Variants in LOC128462377 observed in about 807,000 individuals in gnomAD.
chr16:89,406,258 C>T, the LOC128462377 span, among the ~76,000 whole-genome samples: 1 of 152,148 alleles, frequency 6.6e-6, no homozygotes, highest in Non-Finnish European at 1.5e-5. Context: ...GGCACCCACA[C>T]GTGCTGGTCT....
At chr16:89,356,287 G>C in the LOC128462377 span, among the ~76,000 whole-genome samples, 41 of 151,846 alleles carry the variant, frequency 2.7e-4, no homozygotes, top group Non-Finnish European at 4.9e-4. Flanking sequence ...TGTCAAGGGA[G>C]TAAAGTGGAG....
the LOC128462377 span, among the ~76,000 whole-genome samples, chr16:89,335,338 C>A: frequency 2.6e-5 from 4 of 152,240 alleles, no homozygotes; most frequent in Admixed American, 6.5e-5. Flanking sequence ...CCTTCCAGCA[C>A]AGGAACAAAT....
the LOC128462377 span, among the ~76,000 whole-genome samples, chr16:89,332,789 A>T: frequency 6.6e-6 from 1 of 152,154 alleles, no homozygotes; most frequent in Non-Finnish European, 1.5e-5. Flanking sequence ...ACCTCCAAGG[A>T]GGTTATCCTG....
the LOC128462377 span, among the ~76,000 whole-genome samples, chr16:89,351,512 C>T: frequency 4.6e-5 from 7 of 152,072 alleles, no homozygotes; most frequent in Non-Finnish European, 8.8e-5. Flanking sequence ...AAAGAGGATC[C>T]TAGCGAACTT....
chr16:89,369,491 G>C, the LOC128462377 span, among the ~76,000 whole-genome samples: 1 of 152,246 alleles, frequency 6.6e-6, no homozygotes, highest in Non-Finnish European at 1.5e-5. Context: ...ACAAAGCTCT[G>C]CCGTATCAGA....
chr16:89,350,670 G>A, the LOC128462377 span, among the ~76,000 whole-genome samples: 1 of 152,200 alleles, frequency 6.6e-6, no homozygotes, highest in Non-Finnish European at 1.5e-5. Flanking sequence ...AGAGGAAAGG[G>A]GGAACTTTCT....
the LOC128462377 span, among the ~76,000 whole-genome samples, chr16:89,341,915 G>A: frequency 0.052 from 2,924 of 56,148 alleles, 2 homozygotes; most frequent in Middle Eastern, 0.11. Context: ...CAGCGGCCAC[G>A]GCCCACGGCG....
chr16:89,381,354 A>ACGGG, the LOC128462377 span, among the ~76,000 whole-genome samples: 1 of 125,346 alleles, frequency 8.0e-6, no homozygotes, highest in Non-Finnish European at 1.6e-5. Flanking sequence ...AAAAAAAAAA[A>ACGGG]GGGGTGAGAA....
At chr16:89,376,550 G>A in the LOC128462377 span, among the ~76,000 whole-genome samples, 3 of 152,158 alleles carry the variant, frequency 2.0e-5, no homozygotes, top group Non-Finnish European at 4.4e-5. Flanking sequence ...CTATTCTCCT[G>A]CCTCAGCCTC....
the LOC128462377 span, among the ~76,000 whole-genome samples, chr16:89,346,923 T>C: frequency 6.6e-6 from 1 of 152,088 alleles, no homozygotes; most frequent in African/African-American, 2.4e-5. Context: ...AAATGACCTA[T>C]AAAATAGAGA....
the LOC128462377 span, among the ~76,000 whole-genome samples, chr16:89,398,600 G>A: frequency 6.6e-6 from 1 of 152,112 alleles, no homozygotes; most frequent in South Asian, 2.1e-4. Flanking sequence ...AAAATAGCTG[G>A]GTGTGTTGGC....
chr16:89,333,398 G>C, the LOC128462377 span, among the ~76,000 whole-genome samples: 17 of 152,142 alleles, frequency 1.1e-4, no homozygotes, highest in African/African-American at 4.1e-4. Context: ...CACGACCTCA[G>C]GGTCCACCGG....
chr16:89,362,422 T>C, the LOC128462377 span, among the ~76,000 whole-genome samples: 1 of 152,172 alleles, frequency 6.6e-6, no homozygotes, highest in East Asian at 1.9e-4. Flanking sequence ...GACCCAAACC[T>C]AAATTGCACA....
At chr16:89,391,520 G>A in the LOC128462377 span, among the ~76,000 whole-genome samples, 1 of 152,186 alleles carries the variant, frequency 6.6e-6, no homozygotes, top group Non-Finnish European at 1.5e-5. Context: ...GACGTCTTTT[G>A]CGTTTTCTGT....
chr16:89,409,545 G>A, the LOC128462377 span, among the ~76,000 whole-genome samples: 2 of 152,172 alleles, frequency 1.3e-5, no homozygotes, highest in African/African-American at 2.4e-5. Flanking sequence ...TGGGTGCTGC[G>A]ACTCACGCCT....
At chr16:89,410,965 G>A in the LOC128462377 span, among the ~76,000 whole-genome samples, 1 of 152,266 alleles carries the variant, frequency 6.6e-6, no homozygotes, top group African/African-American at 2.4e-5. Context: ...AACATGTTCA[G>A]GCTGCCCGGC....
At chr16:89,405,325 C>T in the LOC128462377 span, among the ~76,000 whole-genome samples, 1 of 152,128 alleles carries the variant, frequency 6.6e-6, no homozygotes, top group African/African-American at 2.4e-5. Flanking sequence ...CCTCTAGTCA[C>T]ATAGGTAACT....
chr16:89,326,585 T>C, the LOC128462377 span, among the ~76,000 whole-genome samples: 1 of 151,590 alleles, frequency 6.6e-6, no homozygotes. Context: ...TACAAAAATA[T>C]CAAAAAATTA....
At chr16:89,320,607 G>T in the LOC128462377 span, among the ~76,000 whole-genome samples, 1 of 152,162 alleles carries the variant, frequency 6.6e-6, no homozygotes, top group African/African-American at 2.4e-5. Context: ...CAGGGTCACC[G>T]AGAGTCCAGG....
Sources: allele counts gnomAD v4.1 joint callset (sites outside exome capture counted in the v4.1 genomes callset), GRCh38; gene constraint gnomAD v4.1.1; transcripts MANE v1.5.